The following YIPF7 variants were observed in gnomAD, a reference collection of about 807,000 sequenced individuals.
The protein encoded by YIPF7 is Yip1 domain family member 7, also known as protein YIPF7.
In YIPF7, 35 loss-of-function variants were observed where a neutral mutation model predicts 27.2. The observed-to-expected ratio is 1.29, with a 90% CI of 0.98 to 1.70. The LOEUF is 1.70. Ranked by LOEUF, YIPF7 falls within the 40% of genes most tolerant of loss-of-function variation. The probability of loss-of-function intolerance (pLI) is 0.00; values close to 1 mark genes in which losing one functional copy is unlikely to be tolerated. For missense variants in YIPF7, 358 were observed against 303.7 expected, an observed-to-expected ratio of 1.18 and a Z score of -1.33; for synonymous variants, 137 against 110.4, an observed-to-expected ratio of 1.24 and a Z score of -1.51.
At chr4:44,650,170 C>T in intron 1 of YIPF7, 69 bp from the exon 2 acceptor site, 1 of 930,340 alleles carries the variant, frequency 1.1e-6, no homozygotes, top group Non-Finnish European at 1.7e-6. Context: ...TATTTACAAA[C>T]ATCAAATGAC....
chr4:44,632,776 G>C (rs1020917451), intron 3 of YIPF7, among the ~76,000 whole-genome samples: 2 of 152,134 alleles, frequency 1.3e-5, no homozygotes, highest in Non-Finnish European at 2.9e-5. Flanking sequence ...GAGGCTTGAG[G>C]CTTTCACAAG....
At chr4:44,645,554 C>A (rs1468728120) in intron 2 of YIPF7, among the ~76,000 whole-genome samples, 1 of 152,012 alleles carries the variant, frequency 6.6e-6, no homozygotes, top group Non-Finnish European at 1.5e-5. Flanking sequence ...GCAGAATATG[C>A]CAAGAAAATG....
intron 3 of YIPF7, among the ~76,000 whole-genome samples, chr4:44,634,245 G>A (rs1227277719): frequency 5.3e-5 from 8 of 152,138 alleles, no homozygotes; most frequent in South Asian, 2.1e-4. Context: ...AGAAGTGCTC[G>A]TGACAGGCTG....
chr4:44,630,341 C>G (rs752826775), intron 3 of YIPF7, among the ~76,000 whole-genome samples: 4 of 152,126 alleles, frequency 2.6e-5, no homozygotes, highest in Non-Finnish European at 5.9e-5. Flanking sequence ...TTTCAATTAG[C>G]AGTACTATAA....
intron 2 of YIPF7, among the ~76,000 whole-genome samples, chr4:44,641,248 C>G (rs577288093): frequency 1.3e-5 from 2 of 152,118 alleles, no homozygotes; most frequent in Admixed American, 1.3e-4. Flanking sequence ...TTCCAATGTT[C>G]TGCCTTGGAT....
At chr4:44,639,527 ATGT>A (rs1713252979) in intron 2 of YIPF7, among the ~76,000 whole-genome samples, 2 of 152,086 alleles carry the variant, frequency 1.3e-5, no homozygotes, top group South Asian at 4.1e-4. Flanking sequence ...CTGATTTTGT[ATGT>A]TGATTTTATA....
Position 44,622,240 on chromosome 4 carries a change from C to T in YIPF7, c.*174G>A, listed in dbSNP as rs1712466618. On this transcript the variant is annotated 3_prime_UTR_variant, in exon 6 of 6. Coordinates refer to ENST00000415895, the MANE Select transcript of YIPF7 (RefSeq NM_182592.3). ...TGCACCAAACTCAAAAGCAAAACAT[C>T]ATTCAAACCAACAGGCTATTAGAGC... The T allele has an allele frequency of 1.3e-5, 10 of 758,578 alleles. 1 individual carries two copies. In the South Asian group the frequency reaches 1.9e-4, roughly 14 times the overall value. The allele number at this position is 758,578 out of a possible 1,614,324, so 47.0% of individuals were successfully genotyped here. A position where few individuals can be genotyped will look rare whatever the true frequency, so the allele number is the denominator to read the frequency against.
At chr4:44,643,789 G>A (rs145521085) in intron 2 of YIPF7, among the ~76,000 whole-genome samples, 1 of 152,278 alleles carries the variant, frequency 6.6e-6, no homozygotes, top group East Asian at 1.9e-4. Context: ...TATAAGTCTT[G>A]GTGGCTTCTG....
chr4:44,662,105 C>T (rs1265589866), intron 1 of YIPF7, among the ~76,000 whole-genome samples: 1 of 152,162 alleles, frequency 6.6e-6, no homozygotes, highest in East Asian at 1.9e-4. Flanking sequence ...AGCAGTACCC[C>T]TCATCCTTAT....
At position 44,636,085 on chromosome 4, in the gene YIPF7, T is replaced by C. The variant is rs1325063384; in HGVS notation, c.117A>G (p.Lys39=). The part of the protein sequence containing the change: ...NAYGNLYGSR[K]QQAGEQPQPA... ...GCTGAGGCTGCTCACCAGCTTGTTGTCTAGAAAAAGAAAAATACAAACATT... is the reference window on the plus strand; with the variant it reads ...GCTGAGGCTGCTCACCAGCTTGTTGCCTAGAAAAAGAAAAATACAAACATT... The change falls in exon 3 of 6, where the codon AAA becomes AAG. Residue 39 remains lysine, a splice_region_variant and synonymous_variant. Coordinates refer to ENST00000415895, the MANE Select transcript of YIPF7 (RefSeq NM_182592.3). The C allele has an allele frequency of 6.3e-6, 10 of 1,597,396 alleles. No individual in the cohort carries two copies. Among genetic ancestry groups the C allele is most frequent in the East Asian group, 2.2e-5 (1 of 44,654 alleles).
Position 44,635,921 on chromosome 4 carries a change from T to A in YIPF7, c.280+1A>T, listed in dbSNP as rs749176514. 6.2e-7 allele frequency: 1 copy of A among 1,613,658 alleles called. No homozygotes were observed. Among genetic ancestry groups the A allele is most frequent in the Non-Finnish European group, 8.5e-7 (1 of 1,179,706 alleles). ...ACATTAATAACACTTCCTTAACTTA[T>A]CTTCTAGCAAAGGAGGCTCTTCATC... On this transcript the variant is annotated splice_donor_variant, in intron 3 of 5. Transcript: ENST00000415895. LOFTEE classifies it high-confidence loss of function.
At chr4:44,648,859 C>T (rs1713623450) in intron 2 of YIPF7, among the ~76,000 whole-genome samples, 1 of 152,022 alleles carries the variant, frequency 6.6e-6, no homozygotes, top group African/African-American at 2.4e-5. Flanking sequence ...ACAGAAAATG[C>T]CAAAGCCAGA....
intron 2 of YIPF7, 126 bp downstream of exon 2, chr4:44,649,859 T>G: frequency 3.3e-6 from 2 of 603,110 alleles, no homozygotes; most frequent in Non-Finnish European, 2.9e-6. Context: ...GGGTCTAGTT[T>G]AGAGGGCAAG....
At chr4:44,649,863 G>T (rs1713662239) in intron 2 of YIPF7, 122 bp downstream of exon 2, 3 of 612,214 alleles carry the variant, frequency 4.9e-6, no homozygotes, top group Admixed American at 3.4e-5. Context: ...CTAGTTTAGA[G>T]GGCAAGAAAG....
upstream of YIPF7, among the ~76,000 whole-genome samples, chr4:44,653,489 TC>T (rs1377526457): frequency 1.3e-5 from 2 of 152,050 alleles, no homozygotes; most frequent in African/African-American, 4.8e-5. Flanking sequence ...ATTACAGGGG[TC>T]AATACTGAAG....
At chr4:44,657,168 T>C (rs1713923571) in intron 2 of YIPF7, among the ~76,000 whole-genome samples, 1 of 152,214 alleles carries the variant, frequency 6.6e-6, no homozygotes, top group Non-Finnish European at 1.5e-5. Flanking sequence ...AGATATAGTA[T>C]GTTTTTAATG....
At chr4:44,623,162 A>C (rs367826972) in intron 5 of YIPF7, among the ~76,000 whole-genome samples, 3 of 152,342 alleles carry the variant, frequency 2.0e-5, no homozygotes, top group South Asian at 2.1e-4. Flanking sequence ...GAATGCTGAA[A>C]TAGATTTGTT....
intron 2 of YIPF7, among the ~76,000 whole-genome samples, chr4:44,641,310 A>C (rs926290799): frequency 1.1e-4 from 16 of 152,206 alleles, no homozygotes; most frequent in Non-Finnish European, 1.5e-5. Flanking sequence ...TTCTAAGTGG[A>C]TAAAACATGC....
rs1478078737 is a variant in YIPF7 at position 44,636,030 on chromosome 4, T to C, written c.172A>G (p.Met58Val). 7 of 1,613,714 alleles carry C rather than the reference T, an allele frequency of 4.3e-6. No individual in the cohort carries two copies. The highest frequency in any genetic ancestry group is 5.9e-6 in the Non-Finnish European group (7 of 1,179,794). ...AATTGTCCTGCGTAACCCGATGACA[T>C]GAGCATCTCTGATGGAACAAAGGAG... Reference protein sequence around the residue: ...PASFVPSEMLMSSGYAGQFFQ... With the variant: ...PASFVPSEMLVSSGYAGQFFQ... Residue 58 changes from methionine (M) to valine (V), a missense_variant, in exon 3 of 6, where the codon ATG (methionine) becomes GTG (valine). By Grantham distance (21) the Met-to-Val change is conservative. Coordinates refer to ENST00000415895, the MANE Select transcript of YIPF7 (RefSeq NM_182592.3).
Sources: allele counts gnomAD v4.1 joint callset (sites outside exome capture counted in the v4.1 genomes callset), GRCh38; gene constraint gnomAD v4.1.1; transcripts MANE v1.5; gene names NCBI Gene and HGNC (gene_info 2026-07-23, HGNC 2026-07-21).